The following DGKD variants were observed in gnomAD, a reference collection of about 807,000 sequenced individuals.
DGKD encodes the protein diacylglycerol kinase delta, also known as DAG kinase delta.
A neutral mutation model predicts 154.4 loss-of-function variants in DGKD; 68 were observed. The observed-to-expected ratio is 0.44, with a 90% CI of 0.36 to 0.54. The LOEUF (loss-of-function observed/expected upper bound fraction) is 0.54, where lower values mean the gene tolerates loss of function less well. Ranked by LOEUF, DGKD falls within the 20% of genes least tolerant of loss-of-function variation. DGKD has a pLI of 0.00. For synonymous variants in DGKD, 693 were observed against 638.0 expected (o/e 1.09, Z -1.30); for missense variants, 1,343 against 1,593.6 (o/e 0.84, Z 2.68).
At position 233,467,133 on chromosome 2, in the gene DGKD, C is replaced by T; in HGVS notation, c.3354C>T (p.Arg1118=). The change falls in exon 28 of 30, where the codon CGC becomes CGT. Residue 1118 remains arginine, a synonymous_variant. Coordinates refer to ENST00000264057, the MANE Select transcript of DGKD (RefSeq NM_152879.3). ...AGCGCAGTCGCAGTGGTAAATTCCG[C>T]CTCGTGACCAAGTTTAAAAAGGAGA... ...LAKRSRSGKF[R]LVTKFKKEKN... The T allele has an allele frequency of 1.2e-6, 2 of 1,614,216 alleles. No homozygotes were observed. Among genetic ancestry groups the T allele is most frequent in the Non-Finnish European group, 1.7e-6 (2 of 1,180,042 alleles).
chr2:233,466,653 G>A (rs925171282), intron 27 of DGKD, among the ~76,000 whole-genome samples: 5 of 152,120 alleles, frequency 3.3e-5, no homozygotes, highest in Admixed American at 1.3e-4. Flanking sequence ...GGAGTGGATC[G>A]CAAGGAAAGA....
intron 3 of DGKD, among the ~76,000 whole-genome samples, chr2:233,421,207 C>T (rs772486067): frequency 6.6e-6 from 1 of 152,180 alleles, no homozygotes; most frequent in Non-Finnish European, 1.5e-5. Context: ...GCCGCCACCC[C>T]AGCTGTAAAG....
intron 1 of DGKD, among the ~76,000 whole-genome samples, chr2:233,359,189 A>G (rs1016931914): frequency 6.6e-6 from 1 of 152,226 alleles, no homozygotes; most frequent in African/African-American, 2.4e-5. Flanking sequence ...GCTTCTAGTT[A>G]TGAAGCATGC....
chr2:233,444,147 C>G (rs568269364), intron 10 of DGKD, among the ~76,000 whole-genome samples: 5 of 152,270 alleles, frequency 3.3e-5, no homozygotes, highest in African/African-American at 9.6e-5. Context: ...CCTCGAGTTT[C>G]CAACACTACA....
At chr2:233,436,193 C>A in intron 6 of DGKD, 123 bp from the exon 7 acceptor site, 1 of 1,488,888 alleles carries the variant, frequency 6.7e-7, no homozygotes, top group Non-Finnish European at 9.1e-7. Flanking sequence ...CCCTCACTGG[C>A]CATCAGGGAA....
chr2:233,434,480 T>C lies in DGKD; in HGVS notation c.449T>C (p.Phe150Ser). The C allele has an allele frequency of 2.5e-6, 4 of 1,613,884 alleles. No individual in the cohort carries two copies. The highest frequency in any genetic ancestry group is 3.4e-6 in the Non-Finnish European group (4 of 1,179,896). ...ALKTVQNREH[F>S]EPTQYSMDHF... Reference sequence around the variant, plus strand: ...AAGACTGTGCAGAACAGGGAGCACTTTGAGGTTAAAAAAGAAAATACCCTT... The same window carrying C: ...AAGACTGTGCAGAACAGGGAGCACTCTGAGGTTAAAAAAGAAAATACCCTT... Residue 150 changes from phenylalanine to serine, a missense_variant, in exon 4 of 30, where the codon TTT (phenylalanine) becomes TCT (serine). Physicochemically the swap from Phe to Ser is radical, Grantham distance 155. Coordinates refer to ENST00000264057, the MANE Select transcript of DGKD (RefSeq NM_152879.3).
chr2:233,396,728 GGTGTGTGTCTGTGTGTTTCTTT>G (rs1273814489), intron 3 of DGKD, among the ~76,000 whole-genome samples: 12 of 152,116 alleles, frequency 7.9e-5, no homozygotes, highest in South Asian at 2.1e-4. Context: ...TCTGTGTGTT[GGTGTGTGTCTGTGTGTTTCTTT>G]GTGTGTGTCT....
At position 233,450,911 on chromosome 2, in the gene DGKD, T is replaced by G; in HGVS notation, c.2039-11T>G. On this transcript the variant is annotated splice_polypyrimidine_tract_variant and intron_variant, in intron 16 of 29. Transcript: ENST00000264057. Reference sequence around the variant, plus strand: ...CACACAGCTGTAAGGTTTTCTGCTGTGTTGTTACAGTGTCGAAATCTCCGT... The same window carrying G: ...CACACAGCTGTAAGGTTTTCTGCTGGGTTGTTACAGTGTCGAAATCTCCGT... The G allele has an allele frequency of 6.3e-7, 1 of 1,594,418 alleles. No individual in the cohort carries two copies. The highest frequency in any genetic ancestry group is 8.6e-7 in the Non-Finnish European group (1 of 1,163,474).
chr2:233,366,253 G>A (rs573039284), intron 1 of DGKD, among the ~76,000 whole-genome samples: 83 of 152,330 alleles, frequency 5.4e-4, no homozygotes, highest in African/African-American at 1.7e-3. Context: ...TAATTGGATC[G>A]TGGTTGAAAA....
At chr2:233,446,687 T>C in intron 11 of DGKD, 25 bp from the exon 12 acceptor site, 1 of 1,610,592 alleles carries the variant, frequency 6.2e-7, no homozygotes, top group Non-Finnish European at 8.5e-7. Context: ...TCTTGCCGCC[T>C]GTGCAGCTGA....
chr2:233,387,468 A>C (rs935772252), intron 1 of DGKD, among the ~76,000 whole-genome samples: 2 of 152,144 alleles, frequency 1.3e-5, no homozygotes, highest in African/African-American at 4.8e-5. Flanking sequence ...AGTACGTCAA[A>C]ACATCTCATG....
intron 1 of DGKD, among the ~76,000 whole-genome samples, chr2:233,374,038 G>T (rs949649228): frequency 6.6e-6 from 1 of 151,038 alleles, no homozygotes; most frequent in East Asian, 1.9e-4. Flanking sequence ...TTTACACAGG[G>T]TTTTTTTTGT....
At chr2:233,379,360 G>C (rs1407675326) in intron 1 of DGKD, among the ~76,000 whole-genome samples, 1 of 152,192 alleles carries the variant, frequency 6.6e-6, no homozygotes, top group African/African-American at 2.4e-5. Context: ...GTTGTGTTTG[G>C]GTCAGGTGGT....
chr2:233,442,207 A>G (rs972675742), intron 10 of DGKD: 2 of 677,328 alleles, frequency 3.0e-6, no homozygotes, highest in African/African-American at 3.5e-5. Flanking sequence ...GGCTCTGGCC[A>G]TGATGTATGA....
intron 3 of DGKD, among the ~76,000 whole-genome samples, chr2:233,433,319 TAAGTG>T (rs938123921): frequency 2.0e-4 from 31 of 152,226 alleles, no homozygotes; most frequent in African/African-American, 7.0e-4. Context: ...CCCTTAATGT[TAAGTG>T]AAGTAAGCCA....
At position 233,381,964 on chromosome 2, in the gene DGKD, T is replaced by G. The variant is rs180700441; in HGVS notation, c.157-6293T>G. ...GATATGCAAATTGGGCCAGGTGCGG[T>G]GGCTCACGCCTGTGATCCCAGCACT... On this transcript the variant is annotated intron_variant, in intron 1 of 29. Transcript: ENST00000264057. Among the ~76,000 whole-genome samples the G allele has an allele frequency of 2.7e-3, 413 of 152,358 alleles. 3 individuals are homozygous for G. Among genetic ancestry groups the G allele is most frequent in the Non-Finnish European group, 4.7e-3 (318 of 68,032 alleles).
chr2:233,425,104 T>C (rs1054451813), intron 3 of DGKD, among the ~76,000 whole-genome samples: 6 of 152,212 alleles, frequency 3.9e-5, no homozygotes, highest in Non-Finnish European at 7.3e-5. Flanking sequence ...GAATCAAGAA[T>C]AGAAGCCAAA....
At chr2:233,419,360 G>C in intron 3 of DGKD, 1 of 985,454 alleles carries the variant, frequency 1.0e-6, no homozygotes, top group Non-Finnish European at 1.2e-6. Flanking sequence ...TTTGTGCTGG[G>C]TCACTTCAAT....
Position 233,440,614 on chromosome 2 carries a change from C to T in DGKD, c.1086-1273C>T, listed in dbSNP as rs1575124895. ...CGGGAGGCTTCTGGGCTGAGGGCAC[C>T]GCTTGTGCAGAGGCGAGGCAAGAGG... is the stretch of plus-strand genomic sequence containing the variant. On this transcript the variant is annotated intron_variant, in intron 9 of 29. Coordinates refer to ENST00000264057, the MANE Select transcript of DGKD (RefSeq NM_152879.3). The surrounding 1 kb of genome is among the most constrained non-coding windows in gnomAD (Gnocchi z 4.9). Among the ~76,000 whole-genome samples the T allele has an allele frequency of 6.6e-6, 1 of 152,160 alleles. No homozygotes were observed. The highest frequency in any genetic ancestry group is 1.5e-5 in the Non-Finnish European group (1 of 68,000).
Sources: allele counts gnomAD v4.1 joint callset (sites outside exome capture counted in the v4.1 genomes callset), GRCh38; gene constraint gnomAD v4.1.1; non-coding constraint Gnocchi (gnomAD v3.1); transcripts MANE v1.5; gene names NCBI Gene and HGNC (gene_info 2026-07-23, HGNC 2026-07-21).